The following ARHGEF28 variants were observed in gnomAD, a reference collection of about 807,000 sequenced individuals.
The protein encoded by ARHGEF28 is 190 kDa guanine nucleotide exchange factor.
Under a neutral mutation model 206.6 loss-of-function variants are expected in ARHGEF28, and 152 were observed. The ratio of observed to expected loss-of-function variants is 0.74; its 90% CI spans 0.64 to 0.84. ARHGEF28 has a LOEUF of 0.84. Ranked by LOEUF, ARHGEF28 falls within the 40% of genes least tolerant of loss-of-function variation. The probability of loss-of-function intolerance (pLI) is 0.00; values close to 1 mark genes in which losing one functional copy is unlikely to be tolerated. For synonymous variants in ARHGEF28, 763 were observed against 776.4 expected, an observed-to-expected ratio of 0.98 and a Z score of 0.29; for missense variants, 2,028 against 2,073.2, an observed-to-expected ratio of 0.98 and a Z score of 0.42.
intron 1 of ARHGEF28, among the ~76,000 whole-genome samples, chr5:73,677,506 A>G (rs1187763631): frequency 6.6e-6 from 1 of 152,244 alleles, no homozygotes; most frequent in Non-Finnish European, 1.5e-5. Context: ...GAAAAATGTG[A>G]AAAATTCAGA....
At chr5:73,741,255 CTG>C (rs942470191) in intron 2 of ARHGEF28, among the ~76,000 whole-genome samples, 1 of 150,650 alleles carries the variant, frequency 6.6e-6, no homozygotes, top group Admixed American at 6.6e-5. Context: ...CTTAGTTCTG[CTG>C]TGTTATAGAA....
Position 73,810,611 on chromosome 5 carries a change from G to A in ARHGEF28, c.1024+15220G>A, listed in dbSNP as rs139772363. Among the ~76,000 whole-genome samples, 847 of 152,240 alleles carry A rather than the reference G, an allele frequency of 5.6e-3. 4 individuals are homozygous for A. The highest frequency in any genetic ancestry group is 0.019 in the African/African-American group (772 of 41,546). Reference sequence around the variant, plus strand: ...TAAAACTTCAATAGGCATGAGAATTGCTTGGCATAGGGGTGGTGCTTGTTG... The same window carrying A: ...TAAAACTTCAATAGGCATGAGAATTACTTGGCATAGGGGTGGTGCTTGTTG... On this transcript the variant is annotated intron_variant, in intron 9 of 35. Transcript: ENST00000513042.
At chr5:73,820,181 A>G (rs958713464) in intron 9 of ARHGEF28, among the ~76,000 whole-genome samples, 2 of 152,142 alleles carry the variant, frequency 1.3e-5, no homozygotes, top group Non-Finnish European at 2.9e-5. Context: ...GTCCCACTCT[A>G]TAGGCAGTGG....
At chr5:73,728,192 G>A (rs917886050) in intron 2 of ARHGEF28, among the ~76,000 whole-genome samples, 13 of 152,282 alleles carry the variant, frequency 8.5e-5, no homozygotes, top group African/African-American at 3.1e-4. Context: ...TGCTGTCATT[G>A]AAGCCATAAG....
At chr5:73,741,385 G>GTATATATATATATATA (rs67973637) in intron 2 of ARHGEF28, among the ~76,000 whole-genome samples, 1 of 21,862 alleles carries the variant, frequency 4.6e-5, no homozygotes, top group Non-Finnish European at 7.6e-5. Context: ...GTGTGTGTGT[G>GTATATATATATATATA]TATATATATA....
chr5:73,854,904 TA>T (rs1758921320), intron 14 of ARHGEF28, among the ~76,000 whole-genome samples: 1 of 151,994 alleles, frequency 6.6e-6, no homozygotes, highest in Admixed American at 6.6e-5. Flanking sequence ...TTAAATAGAT[TA>T]AGGGTTAAAA....
intron 2 of ARHGEF28, among the ~76,000 whole-genome samples, chr5:73,701,878 C>A (rs138742181): frequency 6.6e-6 from 1 of 152,254 alleles, no homozygotes; most frequent in East Asian, 1.9e-4. Context: ...TTTGTTTAAC[C>A]ATTCCACTTT....
In ARHGEF28 at chr5:73,865,982, T is replaced by C. The variant is rs778923503; in HGVS notation, c.2121T>C (p.Tyr707=). 6.2e-7 allele frequency: 1 copy of C among 1,602,924 alleles called. No individual in the cohort carries two copies. Among genetic ancestry groups the C allele is most frequent in the South Asian group, 1.1e-5 (1 of 89,496 alleles). ...PACTKKFQEK[Y]NKNKPQTILG... is the part of the protein sequence containing the mutation. ...TTTACCAGAAATTCCAAGAGAAATA[T>C]AACAAGAACAAACCACAGACCATCC... The change falls in exon 18 of 36, where the codon TAT becomes TAC. Residue 707 remains tyrosine, a synonymous_variant. Transcript: ENST00000513042.
chr5:73,801,929 A>C (rs1755156251), intron 9 of ARHGEF28, among the ~76,000 whole-genome samples: 1 of 152,244 alleles, frequency 6.6e-6, no homozygotes, highest in Non-Finnish European at 1.5e-5. Flanking sequence ...TTGAGGTTTC[A>C]AAACCAAGGT....
chr5:73,901,274 C>A lies in ARHGEF28; in HGVS notation c.4064C>A (p.Ala1355Glu), dbSNP rs1762253747. 1.2e-6 allele frequency: 2 copies of A among 1,612,674 alleles called. No individual in the cohort carries two copies. The highest frequency in any genetic ancestry group is 1.3e-5 in the African/African-American group (1 of 74,978). ...GTAACCGACTTGGCCGTCTCTGATG[C>A]AGGGGAGAAGGTATTGTGAACTGAT... The part of the protein sequence containing the change: ...GVVTDLAVSD[A>E]GEKVECRNFP... The change falls in exon 31 of 36, where the codon GCA becomes GAA. Residue 1355 changes from alanine to glutamate, a missense_variant. Physicochemically the swap from Ala to Glu is moderately radical, Grantham distance 107. Around this residue, in one of 3 missense-constraint regions of ARHGEF28, gnomAD observed 803 missense variants for 768.0 expected, o/e 1.05. Transcript: ENST00000513042.
intron 21 of ARHGEF28, among the ~76,000 whole-genome samples, chr5:73,872,713 T>G (rs925093300): frequency 6.6e-6 from 1 of 152,228 alleles, no homozygotes; most frequent in Non-Finnish European, 1.5e-5. Flanking sequence ...GCTGAAGGTA[T>G]CTAAAGATGC....
At chr5:73,654,169 T>C (rs1335821546) in intron 1 of ARHGEF28, among the ~76,000 whole-genome samples, 1 of 152,146 alleles carries the variant, frequency 6.6e-6, no homozygotes, top group African/African-American at 2.4e-5. Flanking sequence ...TGAAATCCCA[T>C]TGGCTTCTGT....
intron 1 of ARHGEF28, among the ~76,000 whole-genome samples, chr5:73,645,430 A>T (rs1434697897): frequency 6.6e-6 from 1 of 152,220 alleles, no homozygotes; most frequent in Non-Finnish European, 1.5e-5. Context: ...TTCCTAAAAA[A>T]TAGCCAAAAT....
intron 13 of ARHGEF28, among the ~76,000 whole-genome samples, chr5:73,851,683 C>T (rs893207409): frequency 1.3e-5 from 2 of 152,108 alleles, no homozygotes; most frequent in African/African-American, 4.8e-5. Flanking sequence ...GTGGCTTATT[C>T]TCTTGGTACT....
chr5:73,761,898 A>G (rs1482364893), intron 4 of ARHGEF28, among the ~76,000 whole-genome samples: 1 of 151,036 alleles, frequency 6.6e-6, no homozygotes, highest in African/African-American at 2.4e-5. Flanking sequence ...GTGTCGCTGT[A>G]TTGCCCAGGC....
intron 2 of ARHGEF28, among the ~76,000 whole-genome samples, chr5:73,688,432 G>C (rs774977752): frequency 6.6e-5 from 10 of 152,116 alleles, no homozygotes; most frequent in Non-Finnish European, 1.3e-4. Flanking sequence ...TCACTTTAGA[G>C]AATCTTTCCT....
chr5:73,729,342 A>T (rs1364488238), intron 2 of ARHGEF28, among the ~76,000 whole-genome samples: 1 of 152,206 alleles, frequency 6.6e-6, no homozygotes, highest in Non-Finnish European at 1.5e-5. Flanking sequence ...TGTTGCTCTA[A>T]TCATGAGGAT....
chr5:73,935,975 C>T (rs1267740171), intron 35 of ARHGEF28, among the ~76,000 whole-genome samples: 1 of 152,096 alleles, frequency 6.6e-6, no homozygotes, highest in Non-Finnish European at 1.5e-5. Flanking sequence ...GGGTGCCTGG[C>T]CATGGGGTGC....
chr5:73,649,830 C>T (rs1025548036), intron 1 of ARHGEF28, among the ~76,000 whole-genome samples: 1 of 152,162 alleles, frequency 6.6e-6, no homozygotes, highest in Admixed American at 6.5e-5. Context: ...CGGGCTGGCA[C>T]AGTGAGTGGT....
Sources: allele counts gnomAD v4.1 joint callset (sites outside exome capture counted in the v4.1 genomes callset), GRCh38; gene constraint gnomAD v4.1.1; regional missense constraint gnomAD v4.1.1; transcripts MANE v1.5; gene names NCBI Gene and HGNC (gene_info 2026-07-23, HGNC 2026-07-21).